The following ZNF782 variants were observed in gnomAD, a reference collection of about 807,000 sequenced individuals.
The protein encoded by ZNF782 is zinc finger protein 782.
Under a neutral mutation model 13.0 loss-of-function variants are expected in ZNF782, and 12 were observed. The ratio of observed to expected loss-of-function variants is 0.92; its 90% confidence interval spans 0.59 to 1.50. The LOEUF (loss-of-function observed/expected upper bound fraction) is 1.50, where lower values mean the gene tolerates loss of function less well. Among genes scored for constraint, ZNF782 ranks in the 40% most tolerant of loss-of-function variants. The pLI is 0.00. For synonymous variants in ZNF782, 284 were observed against 283.0 expected (o/e 1.00, Z -0.04); for missense variants, 770 against 822.9 (o/e 0.94, Z 0.79).
the ZNF782 span, among the ~76,000 whole-genome samples, chr9:96,926,382 G>T: frequency 6.6e-6 from 1 of 152,176 alleles, no homozygotes; most frequent in Non-Finnish European, 1.5e-5. Flanking sequence ...TTTACTGTTT[G>T]TTTGGTTTGG....
At chr9:96,929,086 A>G in the ZNF782 span, 15 of 1,610,172 alleles carry the variant, frequency 9.3e-6, no homozygotes, top group Non-Finnish European at 1.3e-5. Flanking sequence ...CCTTGCCTCA[A>G]CTCCTTGGGA....
the ZNF782 span, among the ~76,000 whole-genome samples, chr9:96,907,765 C>T: frequency 1.3e-5 from 2 of 151,898 alleles, no homozygotes; most frequent in African/African-American, 2.4e-5. Context: ...CTCAGCCTCC[C>T]GACTAGCTGG....
intron 1 of ZNF782, among the ~76,000 whole-genome samples, chr9:96,869,114 A>T (rs1389185052): frequency 6.6e-6 from 1 of 152,132 alleles, no homozygotes; most frequent in Non-Finnish European, 1.5e-5. Flanking sequence ...CAATGCCAAC[A>T]TCTGCAACTA....
intron 4 of ZNF782, among the ~76,000 whole-genome samples, chr9:96,835,515 AGGGGAAAGG>A: frequency 6.6e-6 from 1 of 152,292 alleles, no homozygotes; most frequent in East Asian, 1.9e-4. Context: ...GAATAGTTTC[AGGGGAAAGG>A]GCCAGGCTGC....
chr9:96,836,340 G>A (rs948399758), intron 4 of ZNF782, among the ~76,000 whole-genome samples: 27 of 151,810 alleles, frequency 1.8e-4, no homozygotes, highest in Middle Eastern at 3.4e-3. Context: ...AGCCTCCCGC[G>A]TAGCTGAGAC....
chr9:96,825,485 C>T (rs1479334808), intron 5 of ZNF782, among the ~76,000 whole-genome samples: 5 of 152,114 alleles, frequency 3.3e-5, no homozygotes, highest in Non-Finnish European at 7.4e-5. Flanking sequence ...CCATTCAGGA[C>T]ATAGGCATGG....
At chr9:96,880,486 T>A (rs767480906), upstream of ZNF782, among the ~76,000 whole-genome samples, 7 of 152,338 alleles carry the variant, frequency 4.6e-5, no homozygotes, top group Admixed American at 2.6e-4. Flanking sequence ...GAGTTATTAT[T>A]ATAAATGGAT....
Position 96,818,720 on chromosome 9 carries a change from A to T in ZNF782, c.1303T>A (p.Ser435Thr). The T allele has an allele frequency of 6.2e-7, 1 of 1,614,154 alleles. No homozygotes were observed. Among genetic ancestry groups the T allele is most frequent in the Non-Finnish European group, 8.5e-7 (1 of 1,180,024 alleles). Residue 435 changes from serine to threonine, a missense_variant, in exon 6 of 6, where the codon TCA (serine) becomes ACA (threonine). Coordinates refer to ENST00000481138, the MANE Select transcript of ZNF782 (RefSeq NM_001001662.3). ...DGCDKAFSAK[S>T]GLRIHQRTHT... ...GTTCTCTGGTGTATTCTTAGGCCTG[A>T]CTTTGCACTGAAAGCTTTATCACAT...
At chr9:96,901,138 C>A in the ZNF782 span, among the ~76,000 whole-genome samples, 124 of 146,198 alleles carry the variant, frequency 8.5e-4, no homozygotes, top group Middle Eastern at 3.7e-3. Context: ...CCAGCCTGGG[C>A]AACAGAGCAA....
the ZNF782 span, among the ~76,000 whole-genome samples, chr9:96,884,294 A>T: frequency 5.3e-5 from 8 of 152,168 alleles, no homozygotes; most frequent in East Asian, 1.9e-4. Flanking sequence ...CAGCAATGAA[A>T]TTTGACAATG....
At chr9:96,902,143 T>C in the ZNF782 span, among the ~76,000 whole-genome samples, 3 of 151,948 alleles carry the variant, frequency 2.0e-5, no homozygotes, top group Non-Finnish European at 2.9e-5. Flanking sequence ...ATTCTCAAAA[T>C]AATACTGGGG....
chr9:96,831,852 T>A (rs1232839833), intron 4 of ZNF782, among the ~76,000 whole-genome samples: 1 of 152,214 alleles, frequency 6.6e-6, no homozygotes, highest in Non-Finnish European at 1.5e-5. Flanking sequence ...TAATGTTCCA[T>A]GGTATACCTT....
At chr9:96,910,661 G>A in the ZNF782 span, among the ~76,000 whole-genome samples, 1 of 150,676 alleles carries the variant, frequency 6.6e-6, no homozygotes, top group Non-Finnish European at 1.5e-5. Flanking sequence ...TTTTGAGGCA[G>A]AGTCTTGCTC....
chr9:96,895,506 C>T, the ZNF782 span: 2 of 152,184 alleles, frequency 1.3e-5, no homozygotes, highest in South Asian at 2.1e-4. Context: ...GAGGCTGTGT[C>T]CCCACTGCAT....
chr9:96,885,621 C>G, the ZNF782 span, among the ~76,000 whole-genome samples: 1 of 152,044 alleles, frequency 6.6e-6, no homozygotes, highest in Admixed American at 6.6e-5. Flanking sequence ...AGACATAAAT[C>G]TACAGATTGA....
intron 1 of ZNF782, among the ~76,000 whole-genome samples, chr9:96,865,747 C>T (rs533099083): frequency 7.2e-5 from 11 of 152,252 alleles, no homozygotes; most frequent in Non-Finnish European, 7.4e-5. Context: ...ACTTCTTTAA[C>T]GGCTTTGACC....
intron 1 of ZNF782, among the ~76,000 whole-genome samples, chr9:96,861,913 A>G (rs559708357): frequency 6.6e-6 from 1 of 152,370 alleles, no homozygotes; most frequent in East Asian, 1.9e-4. Context: ...TGCTGGGTAT[A>G]TACCTAAGAG....
intron 1 of ZNF782, among the ~76,000 whole-genome samples, chr9:96,853,864 C>A (rs1205558441): frequency 6.6e-6 from 1 of 152,248 alleles, no homozygotes; most frequent in Non-Finnish European, 1.5e-5. Context: ...TATACATAGG[C>A]ACCCAACGAA....
chr9:96,893,486 T>C, the ZNF782 span: 1 of 152,184 alleles, frequency 6.6e-6, no homozygotes. Flanking sequence ...CTCAGGGATC[T>C]AGAACTAGAA....
Sources: gnomAD v4.1 joint callset for allele counts (sites outside exome capture counted in the v4.1 genomes callset) on GRCh38, gnomAD v4.1.1 for gene constraint, MANE v1.5 for transcripts, NCBI Gene and HGNC (gene_info 2026-07-23, HGNC 2026-07-21) for gene names.